Variants in ELFN1 observed in about 807,000 individuals in gnomAD.
ELFN1 encodes protein ELFN1.
Under a neutral mutation model 7.6 loss-of-function variants are expected in ELFN1, and 6 were observed. That is an observed-to-expected ratio of 0.79 (90% CI 0.43 to 1.56). ELFN1 has a LOEUF of 1.56. Ranked by LOEUF, ELFN1 falls within the 40% of genes most tolerant of loss-of-function variation. ELFN1 has a pLI of 0.01. For missense variants in ELFN1, 1,169 were observed against 1,232.2 expected (o/e 0.95, Z 0.77); for synonymous variants, 657 against 588.1 (o/e 1.12, Z -1.70).
chr7:1,710,333 G>C (rs1172656652), intron 3 of ELFN1, among the ~76,000 whole-genome samples: 1 of 152,196 alleles, frequency 6.6e-6, no homozygotes, highest in African/African-American at 2.4e-5. Flanking sequence ...GTGGTCAGAT[G>C]GTTCCCCAGA....
chr7:1,693,841 G>T (rs1002852993), intron 2 of ELFN1: 1 of 461,276 alleles, frequency 2.2e-6, no homozygotes, highest in Admixed American at 2.4e-5. Context: ...GCCAATCGGG[G>T]TTCCTGGGCA....
At chr7:1,674,902 G>C (rs1233243049) in intron 1 of ELFN1, among the ~76,000 whole-genome samples, 3 of 152,172 alleles carry the variant, frequency 2.0e-5, no homozygotes. Context: ...GTGTTTGCTA[G>C]AGCCCCCAAT....
At chr7:1,675,919 C>G (rs1778861634) in intron 1 of ELFN1, among the ~76,000 whole-genome samples, 2 of 152,330 alleles carry the variant, frequency 1.3e-5, no homozygotes, top group Admixed American at 1.3e-4. Flanking sequence ...ACCTCCACGG[C>G]CTCCCTAGAA....
chr7:1,667,435 G>A (rs1349527742), upstream of ELFN1, among the ~76,000 whole-genome samples: 1 of 152,120 alleles, frequency 6.6e-6, no homozygotes, highest in Non-Finnish European at 1.5e-5. The surrounding 1 kb of genome is among the most constrained non-coding windows in gnomAD (Gnocchi z 8.2). Context: ...CTCCTGGAGC[G>A]TTTAGGGATG....
intron 1 of ELFN1, among the ~76,000 whole-genome samples, chr7:1,678,231 A>T (rs1404313275): frequency 1.3e-5 from 2 of 152,134 alleles, no homozygotes; most frequent in African/African-American, 4.8e-5. Context: ...GCACAGGCAC[A>T]GGTGCACGCA....
intron 3 of ELFN1, among the ~76,000 whole-genome samples, chr7:1,723,232 A>C (rs1007242853): frequency 6.6e-6 from 1 of 152,234 alleles, no homozygotes; most frequent in Non-Finnish European, 1.5e-5. Context: ...AATATACATA[A>C]AATTCACCAT....
intron 2 of ELFN1, among the ~76,000 whole-genome samples, chr7:1,708,104 C>G (rs1779575381): frequency 6.6e-6 from 1 of 152,198 alleles, no homozygotes; most frequent in Non-Finnish European, 1.5e-5. Flanking sequence ...TGCACCCCAC[C>G]AGCACCCCAC....
chr7:1,683,441 A>C (rs1779009696), intron 1 of ELFN1, among the ~76,000 whole-genome samples: 1 of 152,230 alleles, frequency 6.6e-6, no homozygotes, highest in African/African-American at 2.4e-5. Flanking sequence ...CTTCATCTAA[A>C]TTAGGTCTAA....
At chr7:1,666,580 C>T (rs1778674481), upstream of ELFN1, among the ~76,000 whole-genome samples, 1 of 151,636 alleles carries the variant, frequency 6.6e-6, no homozygotes, top group Non-Finnish European at 1.5e-5. This position sits in a 1 kb window ranked among gnomAD's most constrained non-coding sequence, Gnocchi z 7.9. Flanking sequence ...GGAGGCGCCG[C>T]GGGGACCCCG....
At chr7:1,670,138 CGAGGGAGGGAGAGAAGGAGGGAGG>C (rs910160620), upstream of ELFN1, among the ~76,000 whole-genome samples, 1 of 85,872 alleles carries the variant, frequency 1.2e-5, no homozygotes, top group African/African-American at 4.6e-5. This position sits in a 1 kb window ranked among gnomAD's most constrained non-coding sequence, Gnocchi z 6.4. Flanking sequence ...GGCGAGGGAG[CGAGGGAGGGAGAGAAGGAGGGAGG>C]GAGGGAGGGA....
chr7:1,692,931 C>T (rs1003251231), intron 2 of ELFN1: 9 of 216,244 alleles, frequency 4.2e-5, no homozygotes, highest in African/African-American at 8.8e-5. Context: ...CTGCAGGGAA[C>T]GGCAGGGACC....
Position 1,747,059 on chromosome 7 carries a change from C to T in ELFN1, c.2463C>T (p.Gly821=), listed in dbSNP as rs374165762. ...ACGACATCCTGGACTACTGGAAGGG[C>T]GTGTCGGCCCAGCACAAGTCCTGAG... ...DLHDILDYWK[G]VSAQHKS Residue 821 remains glycine, a synonymous_variant, in exon 4 of 4, where the codon GGC becomes GGT. Coordinates refer to ENST00000424383, the MANE Select transcript of ELFN1 (RefSeq NM_001128636.4). 11 of 1,519,838 alleles carry T rather than the reference C, an allele frequency of 7.2e-6. No homozygotes were observed. The highest frequency in any genetic ancestry group is 2.8e-5 in the African/African-American group (2 of 72,194). The allele number at this position is 1,519,838 out of a possible 1,614,324, so 94.1% of individuals were successfully genotyped here.
intron 2 of ELFN1, among the ~76,000 whole-genome samples, chr7:1,700,008 G>C (rs1779393025): frequency 6.6e-6 from 1 of 152,162 alleles, no homozygotes; most frequent in South Asian, 2.1e-4. Context: ...CCTCATCATT[G>C]TCTTCTTATT....
intron 2 of ELFN1, among the ~76,000 whole-genome samples, chr7:1,690,333 G>A (rs548183579): frequency 6.6e-6 from 1 of 150,512 alleles, no homozygotes; most frequent in Non-Finnish European, 1.5e-5. Flanking sequence ...ATGCTAGAAG[G>A]ATATATGGAT....
chr7:1,724,132 C>T lies in ELFN1; in HGVS notation c.-294+14880C>T, dbSNP rs117707637. On this transcript the variant is annotated intron_variant, in intron 3 of 3. Coordinates refer to ENST00000424383, the MANE Select transcript of ELFN1 (RefSeq NM_001128636.4). ...TGTAAAATGGAAATAACAGCACAGACGTCACAGGGTTACCATAAGTATCCA... is the reference window on the plus strand; with the variant it reads ...TGTAAAATGGAAATAACAGCACAGATGTCACAGGGTTACCATAAGTATCCA... Among the ~76,000 whole-genome samples the T allele has an allele frequency of 5.7e-3, 868 of 152,312 alleles. 5 individuals are homozygous for T. The highest frequency in any genetic ancestry group is 1.0e-2 in the Non-Finnish European group (677 of 68,028).
intron 2 of ELFN1, among the ~76,000 whole-genome samples, chr7:1,708,409 C>G (rs1779582296): frequency 6.6e-6 from 1 of 152,196 alleles, no homozygotes. Flanking sequence ...ACTGACCAGC[C>G]CAAGGTCTGT....
chr7:1,671,239 C>A (rs1047732432), intron 1 of ELFN1, among the ~76,000 whole-genome samples: 6 of 151,368 alleles, frequency 4.0e-5, no homozygotes, highest in African/African-American at 1.5e-4. Context: ...AGCTGTGTGA[C>A]CTTGGGGCAG....
intron 1 of ELFN1, among the ~76,000 whole-genome samples, chr7:1,680,828 G>A (rs918881415): frequency 4.8e-5 from 7 of 146,208 alleles, no homozygotes; most frequent in East Asian, 2.1e-4. Flanking sequence ...AGCAGCCTCC[G>A]CCTCCTGGAT....
chr7:1,730,981 A>T (rs531485690), intron 3 of ELFN1, among the ~76,000 whole-genome samples: 5 of 152,340 alleles, frequency 3.3e-5, no homozygotes, highest in African/African-American at 1.2e-4. Context: ...TCAAACCAAC[A>T]TATACAAATC....
Sources: allele counts gnomAD v4.1 joint callset (sites outside exome capture counted in the v4.1 genomes callset), GRCh38; gene constraint gnomAD v4.1.1; non-coding constraint Gnocchi (gnomAD v3.1); transcripts MANE v1.5; gene names NCBI Gene and HGNC (gene_info 2026-07-23, HGNC 2026-07-21).